Variants in ANXA13 observed in about 807,000 individuals in gnomAD.
ANXA13 encodes annexin XIII.
Under a neutral mutation model 46.6 loss-of-function variants are expected in ANXA13, and 36 were observed. That is an observed-to-expected ratio of 0.77 (90% confidence interval 0.59 to 1.02). ANXA13 has a LOEUF of 1.02. ANXA13 is among the 50% of genes least tolerant of loss of function. The pLI is 0.00. For missense variants in ANXA13, 417 were observed against 396.5 expected (o/e 1.05, Z -0.44); for synonymous variants, 163 against 152.9 (o/e 1.07, Z -0.49).
At chr8:123,704,402 G>A (rs1048704359) in intron 2 of ANXA13, among the ~76,000 whole-genome samples, 2 of 151,962 alleles carry the variant, frequency 1.3e-5, no homozygotes, top group South Asian at 2.1e-4. Flanking sequence ...TTCTGCAGTC[G>A]GGAATTATTT....
At chr8:123,688,092 G>C (rs907194821) in intron 9 of ANXA13, among the ~76,000 whole-genome samples, 3 of 152,214 alleles carry the variant, frequency 2.0e-5, no homozygotes, top group Admixed American at 6.5e-5. Context: ...CATGGTGTTA[G>C]TGGGTGATAT....
chr8:123,723,039 G>A (rs1252745065), intron 1 of ANXA13, among the ~76,000 whole-genome samples: 1 of 152,204 alleles, frequency 6.6e-6, no homozygotes, highest in East Asian at 1.9e-4. Flanking sequence ...TTTCCAATAT[G>A]CTTTCTTCTG....
intron 9 of ANXA13, among the ~76,000 whole-genome samples, chr8:123,687,406 G>A (rs1324831469): frequency 6.6e-6 from 1 of 152,062 alleles, no homozygotes; most frequent in Non-Finnish European, 1.5e-5. Flanking sequence ...TCATCGCCGA[G>A]GTCTGAATTT....
chr8:123,685,981 T>A (rs1396497419), intron 9 of ANXA13, among the ~76,000 whole-genome samples: 1 of 152,192 alleles, frequency 6.6e-6, no homozygotes, highest in Non-Finnish European at 1.5e-5. Flanking sequence ...GGGATCATTG[T>A]CTGCCTGAAG....
chr8:123,695,165 T>C (rs1486317339), intron 6 of ANXA13, among the ~76,000 whole-genome samples: 1 of 152,094 alleles, frequency 6.6e-6, no homozygotes, highest in Non-Finnish European at 1.5e-5. Context: ...CTGGGCTGTC[T>C]CTTACTGGCT....
In ANXA13 at chr8:123,698,417, A is replaced by G. The variant is rs201595863; in HGVS notation, c.329T>C (p.Ile110Thr). The G allele has an allele frequency of 2.3e-4, 376 of 1,614,142 alleles. 1 individual carries two copies. The highest frequency in any genetic ancestry group is 2.3e-3 in the East Asian group (103 of 44,874). ...KGLGTDESVL[I>T]EVLCTRTNKE... Reference sequence around the variant, plus strand: ...ATTGGTCCTCGTGCACAGGACCTCAATGAGGACGGACTCATCTGTGCCCAG... The same window carrying G: ...ATTGGTCCTCGTGCACAGGACCTCAGTGAGGACGGACTCATCTGTGCCCAG... The change falls in exon 4 of 11, where the codon ATT (isoleucine) becomes ACT (threonine). Residue 110 changes from isoleucine (I) to threonine (T), a missense_variant. By Grantham distance (89) the Ile-to-Thr change is moderately conservative. Transcript: ENST00000419625.
chr8:123,736,675 A>G (rs1014194944), intron 1 of ANXA13, among the ~76,000 whole-genome samples: 1 of 152,184 alleles, frequency 6.6e-6, no homozygotes, highest in Admixed American at 6.5e-5. Flanking sequence ...TAGTTTATGA[A>G]GTTTTATACA....
chr8:123,702,606 G>T, intron 3 of ANXA13, 36 bp downstream of exon 3: 1 of 1,558,938 alleles, frequency 6.4e-7, no homozygotes, highest in African/African-American at 1.4e-5. Flanking sequence ...TGAGGCCATG[G>T]CTGGGTGCAA....
chr8:123,719,405 G>A (rs983645623), intron 1 of ANXA13, among the ~76,000 whole-genome samples: 1 of 151,866 alleles, frequency 6.6e-6, no homozygotes, highest in African/African-American at 2.4e-5. Context: ...TCTATTGTAT[G>A]TTAAGCACTA....
At chr8:123,693,093 T>C in intron 8 of ANXA13, 104 bp downstream of exon 8, 2 of 977,094 alleles carry the variant, frequency 2.0e-6, no homozygotes, top group Non-Finnish European at 3.2e-6. Context: ...AGAACCACTG[T>C]TGTAAAGGAT....
At chr8:123,716,305 A>G (rs1813758225) in intron 1 of ANXA13, among the ~76,000 whole-genome samples, 1 of 152,042 alleles carries the variant, frequency 6.6e-6, no homozygotes, top group Non-Finnish European at 1.5e-5. Flanking sequence ...GGCTGGTCTC[A>G]AACTCCTGAG....
At chr8:123,685,765 A>G (rs1411262760) in intron 9 of ANXA13, among the ~76,000 whole-genome samples, 1 of 152,162 alleles carries the variant, frequency 6.6e-6, no homozygotes, top group Non-Finnish European at 1.5e-5. Flanking sequence ...AGTGGAAAAG[A>G]AAATCGCACC....
Position 123,693,196 on chromosome 8 carries a change from C to T in ANXA13, c.642+1G>A, listed in dbSNP as rs953430625. ...TTTTGCCCCAATACTTTATGACTTACAATTTGATAGGCTTGAAAGGTGGCT... is the reference window on the plus strand; with the variant it reads ...TTTTGCCCCAATACTTTATGACTTATAATTTGATAGGCTTGAAAGGTGGCT... On this transcript the variant is annotated splice_donor_variant, in intron 8 of 10. Transcript: ENST00000419625. LOFTEE classifies it high-confidence loss of function. 1 of 1,613,746 alleles carries T rather than the reference C, an allele frequency of 6.2e-7. No individual in the cohort carries two copies. Among genetic ancestry groups the T allele is most frequent in the Non-Finnish European group, 8.5e-7 (1 of 1,179,704 alleles).
At chr8:123,723,246 G>C (rs114258258) in intron 1 of ANXA13, among the ~76,000 whole-genome samples, 1 of 152,190 alleles carries the variant, frequency 6.6e-6, no homozygotes, top group African/African-American at 2.4e-5. Context: ...CTGAGTCCTC[G>C]GAGGACCAAA....
At chr8:123,694,136 A>G (rs1233546162) in intron 6 of ANXA13, among the ~76,000 whole-genome samples, 1 of 152,168 alleles carries the variant, frequency 6.6e-6, no homozygotes, top group Non-Finnish European at 1.5e-5. Flanking sequence ...CCAGTCCTAA[A>G]AAACCCTGAG....
chr8:123,704,039 A>G (rs1203435308), intron 2 of ANXA13, among the ~76,000 whole-genome samples: 1 of 152,198 alleles, frequency 6.6e-6, no homozygotes, highest in Non-Finnish European at 1.5e-5. Context: ...TGAGGGTAAT[A>G]GTATACAAGG....
intron 2 of ANXA13, among the ~76,000 whole-genome samples, chr8:123,707,226 G>T (rs1267018305): frequency 1.3e-5 from 2 of 152,202 alleles, no homozygotes; most frequent in Non-Finnish European, 2.9e-5. Context: ...GAATGAGGAA[G>T]TTTGCATGTC....
chr8:123,722,443 G>A (rs3909562), intron 1 of ANXA13, among the ~76,000 whole-genome samples: 50,200 of 151,814 alleles, frequency 0.33, 8,543 homozygotes, highest in Non-Finnish European at 0.36. Context: ...AGAAACACTA[G>A]ATGAGACCTG....
intron 4 of ANXA13, among the ~76,000 whole-genome samples, chr8:123,696,627 G>T (rs561649524): frequency 1.9e-4 from 29 of 152,126 alleles, no homozygotes; most frequent in African/African-American, 6.7e-4. Context: ...TGGTGATGGG[G>T]AGAAAGCGGT....
Sources: gnomAD v4.1 joint callset for allele counts (sites outside exome capture counted in the v4.1 genomes callset) on GRCh38, gnomAD v4.1.1 for gene constraint, MANE v1.5 for transcripts, NCBI Gene and HGNC (gene_info 2026-07-23, HGNC 2026-07-21) for gene names.